SGCZ: variants seen among roughly 807,000 people sequenced by gnomAD.
SGCZ encodes the protein zeta-sarcoglycan.
SGCZ carries 40 observed loss-of-function variants against 41.3 expected under a neutral mutation model. The ratio of observed to expected loss-of-function variants is 0.97; its 90% CI spans 0.75 to 1.26. The LOEUF (loss-of-function observed/expected upper bound fraction) is 1.26. Among genes scored for constraint, SGCZ ranks in the 50% most tolerant of loss-of-function variants. The pLI, the probability that SGCZ is intolerant of heterozygous loss-of-function variation, is 0.00. For missense variants in SGCZ, 552 were observed against 369.8 expected (o/e 1.49, Z -4.04); for synonymous variants, 206 against 137.5 (o/e 1.50, Z -3.49).
At chr8:14,192,995 C>A (rs1375403371) in intron 4 of SGCZ, among the ~76,000 whole-genome samples, 1 of 151,868 alleles carries the variant, frequency 6.6e-6, no homozygotes, top group Non-Finnish European at 1.5e-5. Flanking sequence ...GCTGACAAAG[C>A]TTTTCTAAAT....
intron 2 of SGCZ, among the ~76,000 whole-genome samples, chr8:14,442,248 G>A (rs184652398): frequency 1.1e-4 from 16 of 152,226 alleles, no homozygotes; most frequent in South Asian, 4.1e-4. Flanking sequence ...CATGAGATCC[G>A]GTCTTGCCCG....
At chr8:14,620,231 G>A (rs867316042) in intron 1 of SGCZ, among the ~76,000 whole-genome samples, 9 of 152,076 alleles carry the variant, frequency 5.9e-5, no homozygotes, top group Non-Finnish European at 1.0e-4. Context: ...AAACTGGCTA[G>A]CCATATGTAG....
intron 5 of SGCZ, among the ~76,000 whole-genome samples, chr8:14,163,215 A>G (rs1804101130): frequency 6.6e-6 from 1 of 152,168 alleles, no homozygotes; most frequent in Admixed American, 6.5e-5. Flanking sequence ...GGTTTGTTAC[A>G]GAGGTAAACT....
chr8:14,580,814 T>C (rs1292687835), intron 1 of SGCZ, among the ~76,000 whole-genome samples: 1 of 152,182 alleles, frequency 6.6e-6, no homozygotes, highest in Non-Finnish European at 1.5e-5. Context: ...TAAATTGCAG[T>C]AGTGGCCTGG....
chr8:14,622,923 C>T (rs1383536245), intron 1 of SGCZ, among the ~76,000 whole-genome samples: 2 of 152,076 alleles, frequency 1.3e-5, no homozygotes, highest in African/African-American at 4.8e-5. Flanking sequence ...TGCCCTAAAG[C>T]TCCTCCTTTG....
chr8:15,237,774 C>A lies in SGCZ; in HGVS notation c.-151G>T. On this transcript the variant is annotated 5_prime_UTR_variant, in exon 1 of 8. Transcript: ENST00000382080. ...ATTCTCCGTGGTCACGCCGCCTCCA[C>A]CGGGTTAAAAATAAGGAAAATAAAT... 1 of 660,624 alleles carries A rather than the reference C, an allele frequency of 1.5e-6. No homozygotes were observed. The highest frequency in any genetic ancestry group is 2.7e-6 in the Non-Finnish European group (1 of 376,052). 40.9% of individuals were successfully genotyped at this position (660,624 alleles called of 1,614,324 possible).
intron 1 of SGCZ, among the ~76,000 whole-genome samples, chr8:15,055,443 T>A (rs896802744): frequency 2.0e-5 from 3 of 152,054 alleles, no homozygotes; most frequent in Non-Finnish European, 1.5e-5. Flanking sequence ...GTCCTAACAA[T>A]GCAGAAACAG....
intron 3 of SGCZ, among the ~76,000 whole-genome samples, chr8:14,283,789 C>G (rs568588144): frequency 3.9e-5 from 6 of 152,196 alleles, no homozygotes; most frequent in African/African-American, 1.4e-4. Flanking sequence ...AATGGCACAA[C>G]AGCAGCCATA....
At chr8:15,077,648 T>C (rs192681428) in intron 1 of SGCZ, among the ~76,000 whole-genome samples, 5 of 152,326 alleles carry the variant, frequency 3.3e-5, no homozygotes, top group African/African-American at 1.2e-4. Context: ...ATGTTTAACA[T>C]GTATTTCAGA....
intron 1 of SGCZ, among the ~76,000 whole-genome samples, chr8:14,821,912 T>C (rs1802103854): frequency 6.6e-6 from 1 of 152,082 alleles, no homozygotes; most frequent in South Asian, 2.1e-4. Flanking sequence ...CTAGACAAGG[T>C]TGCTAACTTT....
intron 2 of SGCZ, among the ~76,000 whole-genome samples, chr8:14,473,024 T>C (rs776209998): frequency 2.0e-5 from 3 of 152,100 alleles, no homozygotes; most frequent in Non-Finnish European, 2.9e-5. Context: ...ATATAAATAG[T>C]ATTTTACATT....
intron 4 of SGCZ, among the ~76,000 whole-genome samples, chr8:14,198,903 A>G (rs1431372677): frequency 6.6e-6 from 1 of 152,112 alleles, no homozygotes; most frequent in Non-Finnish European, 1.5e-5. Flanking sequence ...GGCTGTCTTT[A>G]CTTTAATCTC....
chr8:14,852,982 T>C (rs1164680077), intron 1 of SGCZ, among the ~76,000 whole-genome samples: 1 of 152,196 alleles, frequency 6.6e-6, no homozygotes, highest in African/African-American at 2.4e-5. Flanking sequence ...AGATATATAC[T>C]GCTGATGAGG....
intron 1 of SGCZ, among the ~76,000 whole-genome samples, chr8:15,020,008 A>G (rs1051479148): frequency 2.6e-5 from 4 of 151,840 alleles, no homozygotes; most frequent in Non-Finnish European, 5.9e-5. Context: ...TCATTGTTAT[A>G]TAAGTGCATA....
At chr8:14,598,618 C>T (rs946186763) in intron 1 of SGCZ, among the ~76,000 whole-genome samples, 1 of 151,958 alleles carries the variant, frequency 6.6e-6, no homozygotes, top group Non-Finnish European at 1.5e-5. Context: ...GACTCGACCC[C>T]CCCGGGCTCA....
chr8:14,142,045 T>A (rs558557957), intron 5 of SGCZ, among the ~76,000 whole-genome samples: 1 of 152,282 alleles, frequency 6.6e-6, no homozygotes, highest in Admixed American at 6.5e-5. Context: ...GAAACCATCA[T>A]ACTGAGCAAA....
At chr8:14,332,786 G>T (rs934393745) in intron 2 of SGCZ, 1 of 151,098 alleles carries the variant, frequency 6.6e-6, no homozygotes, top group East Asian at 1.9e-4. Context: ...AATTTGGTTT[G>T]CAATAGAGTA....
intron 3 of SGCZ, among the ~76,000 whole-genome samples, chr8:14,322,175 G>A (rs1429673035): frequency 5.9e-5 from 9 of 152,130 alleles, no homozygotes; most frequent in Non-Finnish European, 1.0e-4. Flanking sequence ...TCCAAGAAGT[G>A]TATGAGTCCA....
At chr8:14,802,587 AC>A (rs1801357955) in intron 1 of SGCZ, among the ~76,000 whole-genome samples, 1 of 152,208 alleles carries the variant, frequency 6.6e-6, no homozygotes, top group Non-Finnish European at 1.5e-5. Flanking sequence ...TCTGCATTTT[AC>A]ACACATACAA....
Sources: gnomAD v4.1 joint callset for allele counts (sites outside exome capture counted in the v4.1 genomes callset) on GRCh38, gnomAD v4.1.1 for gene constraint, MANE v1.5 for transcripts, NCBI Gene and HGNC (gene_info 2026-07-23, HGNC 2026-07-21) for gene names.